RAD50: variants seen among roughly 807,000 people sequenced by gnomAD.
The protein encoded by RAD50 is RAD50 double strand break repair protein.
A neutral mutation model predicts 168.8 loss-of-function variants in RAD50; 132 were observed. The observed-to-expected ratio is 0.78, with a 90% CI of 0.68 to 0.90. The LOEUF (loss-of-function observed/expected upper bound fraction) is 0.90. Ranked by LOEUF, RAD50 falls within the 40% of genes least tolerant of loss-of-function variation. RAD50 has a pLI of 0.00. For missense variants in RAD50, 1,347 were observed against 1,534.4 expected, an observed-to-expected ratio of 0.88 and a Z score of 2.04; for synonymous variants, 525 against 497.4, an observed-to-expected ratio of 1.06 and a Z score of -0.74.
chr5:132,621,009 A>G (rs1047493061), intron 21 of RAD50, among the ~76,000 whole-genome samples: 1 of 152,208 alleles, frequency 6.6e-6, no homozygotes, highest in Non-Finnish European at 1.5e-5. Flanking sequence ...CAGAGGTGGA[A>G]GAAAATCTAC....
intron 21 of RAD50, among the ~76,000 whole-genome samples, chr5:132,625,290 T>G (rs544264608): frequency 6.6e-6 from 1 of 151,872 alleles, no homozygotes; most frequent in Non-Finnish European, 1.5e-5. Context: ...GTTTCACCGT[T>G]TTAGCCGGGA....
intron 19 of RAD50, among the ~76,000 whole-genome samples, chr5:132,611,178 G>T (rs562937568): frequency 5.5e-4 from 83 of 151,128 alleles, no homozygotes; most frequent in African/African-American, 2.0e-3. Flanking sequence ...ATCACCTGAG[G>T]TCAGGAGTTC....
At chr5:132,558,594 C>T (rs1186277503) in intron 1 of RAD50, among the ~76,000 whole-genome samples, 1 of 151,894 alleles carries the variant, frequency 6.6e-6, no homozygotes, top group Non-Finnish European at 1.5e-5. Context: ...GCCTGTAATC[C>T]TAGCTACTGG....
At chr5:132,579,255 A>T in intron 3 of RAD50, 62 bp from the exon 4 acceptor site, 1 of 1,516,006 alleles carries the variant, frequency 6.6e-7, no homozygotes, top group Non-Finnish European at 9.1e-7. Flanking sequence ...GAATTGATTA[A>T]GCAATAGAAT....
chr5:132,570,094 G>T (rs533480040), intron 2 of RAD50, among the ~76,000 whole-genome samples: 1 of 152,112 alleles, frequency 6.6e-6, no homozygotes, highest in Non-Finnish European at 1.5e-5. Flanking sequence ...ATAGTCTTTC[G>T]TGGTAAAAAC....
In RAD50 at chr5:132,591,877, G is replaced by A. The variant is rs760787160; in HGVS notation, c.1636G>A (p.Ala546Thr). ...TAAAAGATTTTTTTTTTACCTATAG[G>A]CTGACAAAGATGAACAAATCAGAAA... ...TQMEMLTKDK[A>T]DKDEQIRKIK... The change falls in exon 11 of 25, where the codon GCT becomes ACT. Residue 546 changes from alanine to threonine, a missense_variant and splice_region_variant. Transcript: ENST00000378823. 15 of 1,593,114 alleles carry A rather than the reference G, an allele frequency of 9.4e-6. No individual in the cohort carries two copies. The Admixed American group carries it at 2.3e-4, about 25-fold the overall frequency.
chr5:132,579,804 G>T (rs1184881787), intron 4 of RAD50, 58 bp from the exon 5 acceptor site: 2 of 1,380,314 alleles, frequency 1.4e-6, no homozygotes, highest in Non-Finnish European at 1.0e-6. Flanking sequence ...CCCACTGTAT[G>T]AATATATACC....
At chr5:132,611,390 T>TCAAA (rs199686110) in intron 19 of RAD50, among the ~76,000 whole-genome samples, 74 of 147,500 alleles carry the variant, frequency 5.0e-4, no homozygotes, top group Non-Finnish European at 7.0e-4. Flanking sequence ...AAACTCCGTC[T>TCAAA]CAAACAAACA....
chr5:132,557,463 C>T lies in RAD50; in HGVS notation c.129+10C>T, dbSNP rs570876192. 2 of 1,614,118 alleles carry T rather than the reference C, an allele frequency of 1.2e-6. No homozygotes were observed. The highest frequency in any genetic ancestry group is 1.7e-6 in the Non-Finnish European group (2 of 1,179,928). ...TGGGGCGGGAAAGACGGTAAGTCTT[C>T]AGTAGCCGCCTTCAGTTTACAGGTC... On this transcript the variant is annotated intron_variant, in intron 1 of 24. Transcript: ENST00000378823.
chr5:132,628,780 G>A, intron 21 of RAD50, among the ~76,000 whole-genome samples: 1 of 152,036 alleles, frequency 6.6e-6, no homozygotes, highest in East Asian at 1.9e-4. Flanking sequence ...CCGGGAGGCG[G>A]AGGTTGCAGT....
At chr5:132,600,903 A>C (rs1176025491) in intron 13 of RAD50, among the ~76,000 whole-genome samples, 1 of 152,210 alleles carries the variant, frequency 6.6e-6, no homozygotes, top group Non-Finnish European at 1.5e-5. Flanking sequence ...TCAGAACATC[A>C]CATTGTACCC....
chr5:132,632,403 C>CA (rs1751492470), intron 21 of RAD50, among the ~76,000 whole-genome samples: 1 of 152,204 alleles, frequency 6.6e-6, no homozygotes, highest in Non-Finnish European at 1.5e-5. Context: ...ATTTCCCTCA[C>CA]AATGGCTTTG....
At chr5:132,563,608 G>A (rs1307007345) in intron 2 of RAD50, among the ~76,000 whole-genome samples, 1 of 152,114 alleles carries the variant, frequency 6.6e-6, no homozygotes, top group East Asian at 1.9e-4. Flanking sequence ...CAGCCATCAT[G>A]GTTATGTATG....
At chr5:132,616,808 C>T (rs1380442780) in intron 20 of RAD50, among the ~76,000 whole-genome samples, 1 of 152,202 alleles carries the variant, frequency 6.6e-6, no homozygotes, top group Non-Finnish European at 1.5e-5. Flanking sequence ...CCAGGCCTCT[C>T]ATTTATTAAA....
At chr5:132,561,605 A>G (rs1029200648) in intron 2 of RAD50, among the ~76,000 whole-genome samples, 3 of 152,190 alleles carry the variant, frequency 2.0e-5, no homozygotes, top group African/African-American at 7.2e-5. Context: ...AGTACTGGTT[A>G]TGTGCTGGTA....
chr5:132,622,880 G>A (rs1205000302), intron 21 of RAD50, among the ~76,000 whole-genome samples: 1 of 152,108 alleles, frequency 6.6e-6, no homozygotes, highest in Non-Finnish European at 1.5e-5. Flanking sequence ...TTAACTAAGA[G>A]CTCCAGAGAA....
chr5:132,624,637 G>A lies in RAD50; in HGVS notation c.3389+6343G>A, dbSNP rs554655137. Among the ~76,000 whole-genome samples the A allele has an allele frequency of 1.9e-4, 29 of 152,108 alleles. No homozygotes were observed. The South Asian group carries it at 5.4e-3, about 28-fold the overall frequency. The stretch of plus-strand genomic sequence containing the variant: ...TATTTTGCCAGGCTTAGTGGCTTAC[G>A]CCTGTAATCCTAGCACTTTGGGAGT... On this transcript the variant is annotated intron_variant, in intron 21 of 24. Transcript: ENST00000378823.
intron 1 of RAD50, among the ~76,000 whole-genome samples, chr5:132,558,860 T>C (rs1750067903): frequency 6.6e-6 from 1 of 152,036 alleles, no homozygotes; most frequent in African/African-American, 2.4e-5. Context: ...TAAGCCATGA[T>C]CATGCAGCTG....
intron 7 of RAD50, 96 bp from the exon 8 acceptor site, chr5:132,588,589 GAC>G (rs1011205662): frequency 8.9e-6 from 11 of 1,238,210 alleles, no homozygotes; most frequent in Middle Eastern, 2.2e-4. Context: ...ATGTACAAGA[GAC>G]ACACTGCATT....
Sources: gnomAD v4.1 joint callset for allele counts (sites outside exome capture counted in the v4.1 genomes callset) on GRCh38, gnomAD v4.1.1 for gene constraint, MANE v1.5 for transcripts, NCBI Gene and HGNC (gene_info 2026-07-23, HGNC 2026-07-21) for gene names.